Variants in TMEM132C observed in about 807,000 individuals in gnomAD.
TMEM132C encodes protein phosphatase 1, regulatory subunit 152.
Under a neutral mutation model 61.4 loss-of-function variants are expected in TMEM132C, and 29 were observed. The observed-to-expected ratio is 0.47, with a 90% confidence interval of 0.35 to 0.64. The LOEUF (loss-of-function observed/expected upper bound fraction) is 0.64. TMEM132C is among the 30% of genes least tolerant of loss of function. The probability of loss-of-function intolerance (pLI) is 0.00; values close to 1 mark genes in which losing one functional copy is unlikely to be tolerated. For missense variants in TMEM132C, 1,408 were observed against 1,476.9 expected (o/e 0.95, Z 0.76); for synonymous variants, 656 against 633.1 (o/e 1.04, Z -0.54).
At chr12:128,501,550 T>G (rs1478570494) in intron 2 of TMEM132C, among the ~76,000 whole-genome samples, 3 of 152,172 alleles carry the variant, frequency 2.0e-5, no homozygotes, top group Non-Finnish European at 4.4e-5. Context: ...CATTCTCCAC[T>G]CATGGACCAA....
rs12578563 is a variant in TMEM132C, at chr12:128,403,869, A to G, written c.86-10863A>G. Among the ~76,000 whole-genome samples, 1,028 of 152,292 alleles carry G rather than the reference A, an allele frequency of 6.8e-3. 27 individuals carry two copies. In the East Asian group the frequency reaches 0.095, roughly 14 times the overall value. On this transcript the variant is annotated intron_variant, in intron 1 of 8. Coordinates refer to ENST00000435159, the MANE Select transcript of TMEM132C (RefSeq NM_001136103.3). ...GTCCTTCCCCTGTTTCTTCCTATGT[A>G]TGTAATATCTGACAAACTACCTCAG... is the stretch of plus-strand genomic sequence containing the variant.
chr12:128,506,120 A>G (rs891872278), intron 2 of TMEM132C, among the ~76,000 whole-genome samples: 10 of 152,156 alleles, frequency 6.6e-5, no homozygotes, highest in African/African-American at 1.9e-4. Flanking sequence ...GCAGGACCCA[A>G]CCTCGCCGTC....
chr12:128,358,566 G>A (rs1261625002), intron 1 of TMEM132C, among the ~76,000 whole-genome samples: 17 of 150,818 alleles, frequency 1.1e-4, no homozygotes, highest in African/African-American at 2.4e-4. Context: ...GAACCAGTAC[G>A]TGGCGTGATA....
At chr12:128,428,680 G>T (rs192314327) in intron 2 of TMEM132C, among the ~76,000 whole-genome samples, 22 of 152,292 alleles carry the variant, frequency 1.4e-4, no homozygotes, top group Non-Finnish European at 2.9e-4. Context: ...TTCATGTCAC[G>T]TGCAGGAAGT....
intron 1 of TMEM132C, among the ~76,000 whole-genome samples, chr12:128,314,761 G>T (rs764594336): frequency 6.6e-6 from 1 of 152,112 alleles, no homozygotes; most frequent in Admixed American, 6.5e-5. Context: ...ATGCTCCCTC[G>T]TGGCTTCTAG....
chr12:128,307,140 C>CT (rs1365691753), intron 1 of TMEM132C, among the ~76,000 whole-genome samples: 2 of 152,094 alleles, frequency 1.3e-5, no homozygotes, highest in Admixed American at 6.5e-5. Flanking sequence ...CACACCCACC[C>CT]TTGGTTATAT....
At chr12:128,575,111 A>G (rs1565978674) in intron 3 of TMEM132C, among the ~76,000 whole-genome samples, 1 of 152,216 alleles carries the variant, frequency 6.6e-6, no homozygotes, top group Non-Finnish European at 1.5e-5. Flanking sequence ...AGGATTATGG[A>G]ATAATACCTT....
chr12:128,598,563 C>T (rs1429031539), intron 3 of TMEM132C, among the ~76,000 whole-genome samples: 1 of 152,090 alleles, frequency 6.6e-6, no homozygotes, highest in Non-Finnish European at 1.5e-5. Flanking sequence ...TGGGCCTCTG[C>T]ACATTGCACC....
chr12:128,479,955 G>C (rs1258050473), intron 2 of TMEM132C, among the ~76,000 whole-genome samples: 1 of 152,138 alleles, frequency 6.6e-6, no homozygotes, highest in Non-Finnish European at 1.5e-5. Flanking sequence ...AGTAAATCAT[G>C]GGGGGAAAAG....
chr12:128,703,591 A>G lies in TMEM132C; in HGVS notation c.2122-1499A>G, dbSNP rs568613542. On this transcript the variant is annotated intron_variant, in intron 8 of 8. Coordinates refer to ENST00000435159, the MANE Select transcript of TMEM132C (RefSeq NM_001136103.3). The stretch of plus-strand genomic sequence containing the variant: ...TCCTAGATGAATGGAGGAGGCTGAA[A>G]TATGCAATTCTAAGCACAAAGTGGA... 4.7e-4 allele frequency among the ~76,000 whole-genome samples: 71 copies of G among 152,306 alleles called. 1 individual carries two copies. The South Asian group carries it at 4.8e-3, about 10-fold the overall frequency.
intron 1 of TMEM132C, among the ~76,000 whole-genome samples, chr12:128,306,326 C>CGA (rs900711999): frequency 5.3e-5 from 8 of 151,880 alleles, no homozygotes; most frequent in African/African-American, 1.9e-4. Flanking sequence ...CTCAGCCTCC[C>CGA]GAGTAGCTGG....
In TMEM132C at chr12:128,462,481, G is replaced by A. The variant is rs111536744; in HGVS notation, c.974+46861G>A. ...TTCCTGGTTTCCCTTGCGTTCTTGT[G>A]TATTTATTTCTGGTTTTCCCAAAAT... On this transcript the variant is annotated intron_variant, in intron 2 of 8. Coordinates refer to ENST00000435159, the MANE Select transcript of TMEM132C (RefSeq NM_001136103.3). Among the ~76,000 whole-genome samples, 1,099 of 152,200 alleles carry A rather than the reference G, an allele frequency of 7.2e-3. 21 individuals are homozygous for A. Among genetic ancestry groups the A allele is most frequent in the African/African-American group, 0.025 (1,038 of 41,514 alleles).
At chr12:128,411,424 A>G (rs1449501198) in intron 1 of TMEM132C, among the ~76,000 whole-genome samples, 1 of 152,224 alleles carries the variant, frequency 6.6e-6, no homozygotes, top group Non-Finnish European at 1.5e-5. Context: ...AGTATCATCG[A>G]GTCATAGATT....
intron 1 of TMEM132C, among the ~76,000 whole-genome samples, chr12:128,289,271 C>A (rs7306399): frequency 6.6e-6 from 1 of 152,214 alleles, no homozygotes; most frequent in Admixed American, 6.5e-5. Flanking sequence ...CTTATACACA[C>A]GCACACATGC....
At chr12:128,333,224 T>G (rs1034342997) in intron 1 of TMEM132C, among the ~76,000 whole-genome samples, 4 of 151,070 alleles carry the variant, frequency 2.6e-5, no homozygotes, top group African/African-American at 9.7e-5. Context: ...GTGTGTGATG[T>G]GTTTATGCAT....
chr12:128,482,655 G>T (rs1051410372), intron 2 of TMEM132C, among the ~76,000 whole-genome samples: 1 of 152,022 alleles, frequency 6.6e-6, no homozygotes, highest in Admixed American at 6.6e-5. Flanking sequence ...ATTTCAGAAC[G>T]TATTAGTCTA....
At chr12:128,656,012 TC>T (rs1954322558) in intron 4 of TMEM132C, among the ~76,000 whole-genome samples, 1 of 152,322 alleles carries the variant, frequency 6.6e-6, no homozygotes, top group South Asian at 2.1e-4. Context: ...TTTAGGCTTC[TC>T]CTATCTTACC....
At position 128,428,234 on chromosome 12, in the gene TMEM132C, AT is replaced by A. The variant is rs370008206; in HGVS notation, c.974+12622del. Reference sequence around the variant, plus strand: ...CTAACTGACTTAGACTTAAAAAGGAATTTTTTTTCCCTATAAAACTTTTGGG... The same window carrying A: ...CTAACTGACTTAGACTTAAAAAGGAATTTTTTTCCCTATAAAACTTTTGGG... On this transcript the variant is annotated intron_variant, in intron 2 of 8. Transcript: ENST00000435159. Among the ~76,000 whole-genome samples the A allele has an allele frequency of 3.8e-3, 254 of 67,144 alleles. 6 individuals carry two copies. In the East Asian group the frequency reaches 0.081, roughly 22 times the overall value. The allele number at this position is 67,144 out of a possible 152,430, so 44.0% of individuals were successfully genotyped here.
chr12:128,418,822 A>G (rs996418697), intron 2 of TMEM132C, among the ~76,000 whole-genome samples: 1 of 152,232 alleles, frequency 6.6e-6, no homozygotes, highest in Non-Finnish European at 1.5e-5. Context: ...TTGGAAAATT[A>G]GTTCCTTGAA....
Sources: gnomAD v4.1 joint callset for allele counts (sites outside exome capture counted in the v4.1 genomes callset) on GRCh38, gnomAD v4.1.1 for gene constraint, MANE v1.5 for transcripts, NCBI Gene and HGNC (gene_info 2026-07-23, HGNC 2026-07-21) for gene names.